PPP1R12B: variants seen among roughly 807,000 people sequenced by gnomAD.
PPP1R12B encodes the protein myosin phosphatase target subunit 2.
A neutral mutation model predicts 126.1 loss-of-function variants in PPP1R12B; 76 were observed. The observed-to-expected ratio is 0.60, with a 90% CI of 0.50 to 0.73. The LOEUF is 0.73. Ranked by LOEUF, PPP1R12B falls within the 30% of genes least tolerant of loss-of-function variation. The pLI, the probability that PPP1R12B is intolerant of heterozygous loss-of-function variation, is 0.00. For synonymous variants in PPP1R12B, 356 were observed against 434.7 expected (o/e 0.82, Z 2.25); for missense variants, 1,052 against 1,205.1 (o/e 0.87, Z 1.88).
At chr1:202,398,617 C>A (rs551640119) in intron 1 of PPP1R12B, among the ~76,000 whole-genome samples, 3 of 152,240 alleles carry the variant, frequency 2.0e-5, no homozygotes, top group Non-Finnish European at 4.4e-5. Context: ...ACACAAGGAA[C>A]CTTCTGTCAG....
chr1:202,566,270 AG>A (rs1163439984), intron 21 of PPP1R12B, among the ~76,000 whole-genome samples: 3 of 152,218 alleles, frequency 2.0e-5, no homozygotes, highest in African/African-American at 7.2e-5. Context: ...GCTGGGGAAA[AG>A]CATTTACTCT....
intron 1 of PPP1R12B, among the ~76,000 whole-genome samples, chr1:202,385,834 A>G (rs1478923515): frequency 6.6e-6 from 1 of 151,972 alleles, no homozygotes; most frequent in Non-Finnish European, 1.5e-5. Flanking sequence ...TTTAGTAAGG[A>G]TTTTATTCAA....
chr1:202,448,491 G>T (rs1020837102), intron 12 of PPP1R12B: 32 of 154,848 alleles, frequency 2.1e-4, no homozygotes, highest in Admixed American at 2.0e-3. Context: ...AGTATCAGTT[G>T]TCTCTGGATA....
chr1:202,554,472 C>T (rs542839205), intron 18 of PPP1R12B, among the ~76,000 whole-genome samples: 2 of 152,206 alleles, frequency 1.3e-5, no homozygotes, highest in South Asian at 2.1e-4. Flanking sequence ...TATCTACTCT[C>T]CTCTAATTGG....
intron 18 of PPP1R12B, among the ~76,000 whole-genome samples, chr1:202,505,781 GC>G (rs1680740163): frequency 6.6e-6 from 1 of 151,794 alleles, no homozygotes; most frequent in African/African-American, 2.4e-5. Context: ...TTTTAAGCAA[GC>G]CTCTGTTGCT....
At chr1:202,561,328 C>T (rs1447847582) in intron 19 of PPP1R12B, among the ~76,000 whole-genome samples, 1 of 150,382 alleles carries the variant, frequency 6.6e-6, no homozygotes, top group Non-Finnish European at 1.5e-5. Flanking sequence ...ATTTAAGTGT[C>T]TATCATAGAA....
At chr1:202,355,826 G>A (rs1439739562) in intron 1 of PPP1R12B, among the ~76,000 whole-genome samples, 1 of 152,176 alleles carries the variant, frequency 6.6e-6, no homozygotes, top group African/African-American at 2.4e-5. Context: ...GGTAGAAATA[G>A]TATTCAGTCA....
chr1:202,559,133 T>C (rs1313924585), intron 19 of PPP1R12B, among the ~76,000 whole-genome samples: 1 of 152,182 alleles, frequency 6.6e-6, no homozygotes, highest in East Asian at 1.9e-4. Flanking sequence ...CTTGTAGACT[T>C]CCACTAGATT....
intron 6 of PPP1R12B, among the ~76,000 whole-genome samples, chr1:202,429,370 A>G (rs1462449250): frequency 1.3e-5 from 2 of 152,258 alleles, no homozygotes; most frequent in African/African-American, 2.4e-5. Context: ...ATAAGTAAAT[A>G]CACATAATAC....
At chr1:202,480,039 TACCAAAAG>T (rs1466183188) in intron 13 of PPP1R12B, among the ~76,000 whole-genome samples, 1 of 152,142 alleles carries the variant, frequency 6.6e-6, no homozygotes, top group Non-Finnish European at 1.5e-5. Context: ...AAATAAGAGT[TACCAAAAG>T]ACCAAAAGAA....
chr1:202,575,202 T>C, intron 23 of PPP1R12B: 1 of 1,547,176 alleles, frequency 6.5e-7, no homozygotes, highest in Admixed American at 1.9e-5. Flanking sequence ...GTCTTCTTGT[T>C]AGTCCCAGAA....
At chr1:202,453,310 C>CT (rs1385310863) in intron 13 of PPP1R12B, among the ~76,000 whole-genome samples, 1 of 152,152 alleles carries the variant, frequency 6.6e-6, no homozygotes, top group Non-Finnish European at 1.5e-5. Flanking sequence ...TTGAACCATC[C>CT]TTGCATCCCT....
At chr1:202,383,897 C>A (rs1662732385) in intron 1 of PPP1R12B, among the ~76,000 whole-genome samples, 1 of 152,112 alleles carries the variant, frequency 6.6e-6, no homozygotes, top group African/African-American at 2.4e-5. Context: ...TCTTTTCTTA[C>A]TGATGGACAT....
intron 8 of PPP1R12B, among the ~76,000 whole-genome samples, chr1:202,434,036 A>G (rs554979039): frequency 2.1e-4 from 32 of 152,378 alleles, no homozygotes; most frequent in African/African-American, 7.7e-4. Flanking sequence ...TGTAGTCAAT[A>G]GGATTCACTA....
At chr1:202,410,323 A>G (rs1006932405) in intron 1 of PPP1R12B, 1 of 152,268 alleles carries the variant, frequency 6.6e-6, no homozygotes, top group Non-Finnish European at 1.5e-5. Context: ...AATCAAGGAA[A>G]GCGTGGGCTG....
At chr1:202,372,523 C>G (rs1660467046) in intron 1 of PPP1R12B, among the ~76,000 whole-genome samples, 1 of 150,904 alleles carries the variant, frequency 6.6e-6, no homozygotes, top group African/African-American at 2.4e-5. Flanking sequence ...ATAAATAAAG[C>G]AATTTTGCCT....
chr1:202,381,842 A>G (rs767349770), intron 1 of PPP1R12B, among the ~76,000 whole-genome samples: 1 of 152,228 alleles, frequency 6.6e-6, no homozygotes, highest in Non-Finnish European at 1.5e-5. Context: ...GGCAACAGTA[A>G]GTTAGTAAGA....
chr1:202,537,373 A>G (rs1378720703), intron 18 of PPP1R12B, among the ~76,000 whole-genome samples: 1 of 151,964 alleles, frequency 6.6e-6, no homozygotes, highest in African/African-American at 2.4e-5. Flanking sequence ...AAAAAGAAAA[A>G]GTAAATACCA....
chr1:202,497,671 T>C (rs1439511049), intron 18 of PPP1R12B, among the ~76,000 whole-genome samples: 1 of 152,178 alleles, frequency 6.6e-6, no homozygotes, highest in African/African-American at 2.4e-5. Flanking sequence ...TTCTAGAAAG[T>C]AGTGCCTTTA....
Sources: gnomAD v4.1 joint callset for allele counts (sites outside exome capture counted in the v4.1 genomes callset) on GRCh38, gnomAD v4.1.1 for gene constraint, MANE v1.5 for transcripts, NCBI Gene and HGNC (gene_info 2026-07-23, HGNC 2026-07-21) for gene names.